The following GABRG3 variants were observed in gnomAD, a reference collection of about 807,000 sequenced individuals.
GABRG3 encodes gamma-aminobutyric acid type A receptor subunit gamma3.
A neutral mutation model predicts 48.8 loss-of-function variants in GABRG3; 25 were observed. That is an observed-to-expected ratio of 0.51 (90% CI 0.37 to 0.72). GABRG3 has a LOEUF of 0.72. Among genes scored for constraint, GABRG3 ranks in the 30% least tolerant of loss-of-function variants. The probability of loss-of-function intolerance (pLI) is 0.00; values close to 1 mark genes in which losing one functional copy is unlikely to be tolerated. For missense variants in GABRG3, 394 were observed against 577.9 expected (o/e 0.68, Z 3.26); for synonymous variants, 227 against 217.6 (o/e 1.04, Z -0.38).
intron 3 of GABRG3, among the ~76,000 whole-genome samples, chr15:27,123,392 T>G (rs1897764487): frequency 6.6e-6 from 1 of 151,964 alleles, no homozygotes; most frequent in South Asian, 2.1e-4. Flanking sequence ...ATGAATGGGA[T>G]TAGTGTGCTT....
intron 2 of GABRG3, among the ~76,000 whole-genome samples, chr15:27,014,879 T>A (rs1895749687): frequency 6.6e-6 from 1 of 152,234 alleles, no homozygotes; most frequent in South Asian, 2.1e-4. Flanking sequence ...AGTCTCCTAC[T>A]ATTATCGTGT....
intron 5 of GABRG3, among the ~76,000 whole-genome samples, chr15:27,369,930 G>A (rs867905124): frequency 8.6e-5 from 13 of 151,408 alleles, no homozygotes; most frequent in South Asian, 2.1e-4. Flanking sequence ...GAGGACAGAT[G>A]TTCCTTCTGC....
At chr15:27,174,794 C>T (rs1887693772) in intron 3 of GABRG3, among the ~76,000 whole-genome samples, 1 of 152,148 alleles carries the variant, frequency 6.6e-6, no homozygotes, top group East Asian at 1.9e-4. Flanking sequence ...GGTCCTTGGG[C>T]ATCACATGCT....
In GABRG3 at chr15:27,040,714, T is replaced by C. The variant is rs1896260841; in HGVS notation, c.270+13893T>C. Among the ~76,000 whole-genome samples, 3 of 152,228 alleles carry C rather than the reference T, an allele frequency of 2.0e-5. No individual in the cohort carries two copies. In the South Asian group the frequency reaches 6.2e-4, roughly 31 times the overall value. ...TGAATTAGAGTTATCAAAGAAAGTA[T>C]TAAAATACTGTTTTCCTTTCTCTTT... On this transcript the variant is annotated intron_variant, in intron 3 of 9. Transcript: ENST00000615808.
intron 3 of GABRG3, among the ~76,000 whole-genome samples, chr15:27,033,474 A>G (rs1896122921): frequency 6.6e-6 from 1 of 152,162 alleles, no homozygotes; most frequent in Non-Finnish European, 1.5e-5. Context: ...GTCAAAGCAG[A>G]TACAATCTGA....
chr15:27,074,640 TA>T (rs1200865384), intron 3 of GABRG3, among the ~76,000 whole-genome samples: 30 of 149,764 alleles, frequency 2.0e-4, no homozygotes, highest in Admixed American at 1.8e-3. Flanking sequence ...CCATAGCATT[TA>T]CTTTTTTTTT....
chr15:27,347,329 G>A lies in GABRG3; in HGVS notation c.574+18441G>A, dbSNP rs1894408224. ...TTCTGTAATCTTACATTTGCACTCT[G>A]ATCTTTAAGTGGAGCTGTTTTCCTG... is the stretch of plus-strand genomic sequence containing the variant. On this transcript the variant is annotated intron_variant, in intron 5 of 9. Transcript: ENST00000615808. 2.0e-5 allele frequency among the ~76,000 whole-genome samples: 3 copies of A among 152,176 alleles called. No individual in the cohort carries two copies. In the South Asian group the frequency reaches 6.2e-4, roughly 31 times the overall value.
At chr15:27,060,942 T>A (rs1386119413) in intron 3 of GABRG3, among the ~76,000 whole-genome samples, 1 of 152,204 alleles carries the variant, frequency 6.6e-6, no homozygotes, top group Non-Finnish European at 1.5e-5. Flanking sequence ...TTGGAATCAC[T>A]AAATGCCACC....
intron 5 of GABRG3, among the ~76,000 whole-genome samples, chr15:27,357,169 C>T (rs1253525351): frequency 2.0e-5 from 3 of 152,290 alleles, no homozygotes; most frequent in East Asian, 1.9e-4. Context: ...CCCATCCTGT[C>T]GCTCTGTCTT....
intron 5 of GABRG3, among the ~76,000 whole-genome samples, chr15:27,440,730 T>G (rs1287477057): frequency 4.6e-5 from 7 of 152,188 alleles, no homozygotes; most frequent in South Asian, 2.1e-4. Flanking sequence ...AGATGAGAGA[T>G]TCATTATTTT....
chr15:27,227,322 C>G (rs899262047), intron 3 of GABRG3, among the ~76,000 whole-genome samples: 1 of 152,052 alleles, frequency 6.6e-6, no homozygotes, highest in Admixed American at 6.5e-5. Flanking sequence ...GAAACCCTGT[C>G]TCCTCCAAAA....
Position 27,538,643 on chromosome 15 carries a change from T to C in GABRG3, c.*5762T>C, listed in dbSNP as rs540386436. 2.0e-5 allele frequency: 3 copies of C among 152,320 alleles called. No homozygotes were observed. The highest frequency in any genetic ancestry group is 4.1e-4 in the South Asian group (2 of 4,830). The allele number at this position is 152,320 out of a possible 1,614,324, so 9.4% of individuals were successfully genotyped here. ...CTCTATGTCTGCCGAACAGTTTAAA[T>C]TGAACAGGTTGGAAAGAACATTGAT... On this transcript the variant is annotated 3_prime_UTR_variant, in exon 10 of 10. Transcript: ENST00000615808.
intron 3 of GABRG3, among the ~76,000 whole-genome samples, chr15:27,054,636 G>A (rs1463241870): frequency 6.6e-6 from 1 of 152,148 alleles, no homozygotes; most frequent in Non-Finnish European, 1.5e-5. Flanking sequence ...AAACTGGCCA[G>A]GACAACGCAG....
At chr15:27,286,042 A>C (rs1384192907) in intron 3 of GABRG3, among the ~76,000 whole-genome samples, 1 of 152,232 alleles carries the variant, frequency 6.6e-6, no homozygotes, top group Non-Finnish European at 1.5e-5. Context: ...AAAACTAAGT[A>C]ATCATGGGGA....
At chr15:27,376,100 A>G (rs547696978) in intron 5 of GABRG3, among the ~76,000 whole-genome samples, 4 of 152,366 alleles carry the variant, frequency 2.6e-5, no homozygotes, top group South Asian at 4.1e-4. Flanking sequence ...TACAGACCCT[A>G]TTCAAGTGGG....
intron 3 of GABRG3, among the ~76,000 whole-genome samples, chr15:27,130,632 G>A (rs1012716937): frequency 1.3e-5 from 2 of 152,034 alleles, no homozygotes; most frequent in Admixed American, 6.6e-5. Context: ...ACTTTGGGTA[G>A]TATTGACATC....
chr15:26,980,350 G>T (rs1895029862), intron 2 of GABRG3, among the ~76,000 whole-genome samples: 1 of 151,792 alleles, frequency 6.6e-6, no homozygotes, highest in Non-Finnish European at 1.5e-5. Context: ...CTTGCTTTGG[G>T]TTTATTTTGG....
chr15:27,254,588 C>T (rs1890555465), intron 3 of GABRG3, among the ~76,000 whole-genome samples: 1 of 152,054 alleles, frequency 6.6e-6, no homozygotes. Context: ...GATGAGGGCC[C>T]ACCTCCTGGT....
chr15:27,255,221 G>A (rs979017251), intron 3 of GABRG3, among the ~76,000 whole-genome samples: 1 of 152,202 alleles, frequency 6.6e-6, no homozygotes, highest in East Asian at 1.9e-4. Flanking sequence ...GCGGGAGCAG[G>A]AGCCTGTGGA....
Sources: gnomAD v4.1 joint callset for allele counts (sites outside exome capture counted in the v4.1 genomes callset) on GRCh38, gnomAD v4.1.1 for gene constraint, MANE v1.5 for transcripts, NCBI Gene and HGNC (gene_info 2026-07-23, HGNC 2026-07-21) for gene names.